RBM28: variants seen among roughly 807,000 people sequenced by gnomAD.
RBM28 encodes the protein RNA-binding protein 28.
RBM28 carries 78 observed loss-of-function variants against 98.3 expected under a neutral mutation model. That is an observed-to-expected ratio of 0.79 (90% CI 0.66 to 0.96). The LOEUF (loss-of-function observed/expected upper bound fraction) is 0.96, where lower values mean the gene tolerates loss of function less well. Among genes scored for constraint, RBM28 ranks in the 40% least tolerant of loss-of-function variants. RBM28 has a pLI of 0.00. For synonymous variants in RBM28, 306 were observed against 330.9 expected (o/e 0.92, Z 0.82); for missense variants, 838 against 913.0 (o/e 0.92, Z 1.06).
intron 1 of RBM28, among the ~76,000 whole-genome samples, chr7:128,343,222 T>C (rs1001459060): frequency 4.6e-5 from 7 of 152,336 alleles, no homozygotes; most frequent in Middle Eastern, 3.4e-3. Context: ...TGTCCAGGTC[T>C]GAGGATCAAA....
At position 128,309,635 on chromosome 7, in the gene RBM28, A is replaced by AT. The variant is rs1795937724; in HGVS notation, c.*1161_*1162insA. 1.3e-5 allele frequency: 2 copies of AT among 151,940 alleles called. No individual in the cohort carries two copies. Among genetic ancestry groups the AT allele is most frequent in the African/African-American group, 4.9e-5 (2 of 41,124 alleles). The allele number at this position is 151,940 out of a possible 1,614,324, so 9.4% of individuals were successfully genotyped here. A position where few individuals can be genotyped will look rare whatever the true frequency, so the allele number is the denominator to read the frequency against. On this transcript the variant is annotated 3_prime_UTR_variant, in exon 19 of 19. Transcript: ENST00000223073. The stretch of plus-strand genomic sequence containing the variant: ...GCGACAGAGTGAGACTCCATCTCAA[A>AT]AAAAAAAAAAAAAGAAGAAGAAACA...
Position 128,300,454 on chromosome 7 carries a change from C to G in RBM28, c.*10343G>C, listed in dbSNP as rs993160974. Reference sequence around the variant, plus strand: ...TGCAGCTCCTGGGGGAACACTGGCACAGACGGGTGCACAGTTAATATTCAG... The same window carrying G: ...TGCAGCTCCTGGGGGAACACTGGCAGAGACGGGTGCACAGTTAATATTCAG... On this transcript the variant is annotated 3_prime_UTR_variant, in exon 19 of 19. Coordinates refer to ENST00000223073, the MANE Select transcript of RBM28 (RefSeq NM_018077.3). 6.6e-6 allele frequency: 1 copy of G among 152,280 alleles called. No individual in the cohort carries two copies. The highest frequency in any genetic ancestry group is 1.5e-5 in the Non-Finnish European group (1 of 68,100). 9.4% of individuals were successfully genotyped at this position (152,280 alleles called of 1,614,324 possible).
At chr7:128,331,256 T>C (rs1197726265) in intron 9 of RBM28, among the ~76,000 whole-genome samples, 1 of 151,438 alleles carries the variant, frequency 6.6e-6, no homozygotes, top group African/African-American at 2.4e-5. Context: ...GGTGGCTACA[T>C]GGATGTATAC....
chr7:128,323,672 C>T, intron 12 of RBM28, 81 bp from the exon 13 acceptor site: 1 of 1,523,488 alleles, frequency 6.6e-7, no homozygotes. Flanking sequence ...TTGAATGATG[C>T]AAACTCTTTG....
At position 128,343,871 on chromosome 7, in the gene RBM28, A is replaced by G. The variant is rs7799251; in HGVS notation, c.-78T>C. ...CGCGAGCCGAAACGCTGGCTTTGGT[A>G]GGACAACCAAGCTCACACGCCGAGA... On this transcript the variant is annotated 5_prime_UTR_variant, in exon 1 of 19. Coordinates refer to ENST00000223073, the MANE Select transcript of RBM28 (RefSeq NM_018077.3). 6,920 of 1,000,378 alleles carry G rather than the reference A, an allele frequency of 6.9e-3. 292 individuals are homozygous for G. The African/African-American group carries it at 0.098, about 14-fold the overall frequency. The allele number at this position is 1,000,378 out of a possible 1,614,324, so 62.0% of individuals were successfully genotyped here. A position where few individuals can be genotyped will look rare whatever the true frequency, so the allele number is the denominator to read the frequency against.
rs549390485 is a variant in RBM28, at chr7:128,342,651, C to T, written c.118+1025G>A. On this transcript the variant is annotated intron_variant, in intron 1 of 18. Transcript: ENST00000223073. ...AGCGGAGATCGTGGCACTGCACTCC[C>T]GCCTGGGCGACAGAGCAAGACGCAG... Among the ~76,000 whole-genome samples the T allele has an allele frequency of 1.5e-4, 23 of 152,040 alleles. No individual in the cohort carries two copies. The South Asian group carries it at 3.8e-3, about 25-fold the overall frequency.
chr7:128,319,212 A>AT, intron 14 of RBM28, among the ~76,000 whole-genome samples: 1 of 152,326 alleles, frequency 6.6e-6, no homozygotes, highest in African/African-American at 2.4e-5. Flanking sequence ...TAGAACTGTC[A>AT]TACACTGTAA....
intron 8 of RBM28, among the ~76,000 whole-genome samples, chr7:128,335,178 T>C (rs1796569834): frequency 6.6e-6 from 1 of 152,238 alleles, no homozygotes; most frequent in African/African-American, 2.4e-5. Flanking sequence ...GTTGAGATGG[T>C]TATATCATCT....
Position 128,305,984 on chromosome 7 carries a change from T to C in RBM28, c.*4813A>G, listed in dbSNP as rs191012981. 1 of 152,362 alleles carries C rather than the reference T, an allele frequency of 6.6e-6. No homozygotes were observed. The highest frequency in any genetic ancestry group is 1.9e-4 in the East Asian group (1 of 5,182). The allele number at this position is 152,362 out of a possible 1,614,324, so 9.4% of individuals were successfully genotyped here. A position where few individuals can be genotyped will look rare whatever the true frequency, so the allele number is the denominator to read the frequency against. ...CATCCTTTACCACCATTATCCTCAA[T>C]CACCAATCACTAAGCATTGCCATGT... On this transcript the variant is annotated 3_prime_UTR_variant, in exon 19 of 19. Transcript: ENST00000223073.
In RBM28 at chr7:128,324,735, C is replaced by T. The variant is rs756885638; in HGVS notation, c.1204-41G>A. 3.1e-6 allele frequency: 5 copies of T among 1,613,236 alleles called. No homozygotes were observed. The South Asian group carries it at 3.3e-5, about 11-fold the overall frequency. ...ACCCTTTCTTAAAACACATAATGGC[C>T]GGGCACAGTGGCTCACACCTGTAAA... On this transcript the variant is annotated intron_variant, in intron 11 of 18. Transcript: ENST00000223073.
chr7:128,321,140 TG>T, intron 14 of RBM28, 125 bp downstream of exon 14: 1 of 1,335,310 alleles, frequency 7.5e-7, no homozygotes, highest in Non-Finnish European at 1.1e-6. Context: ...CACTACAGCC[TG>T]GGCAACAGAG....
rs775866836 is a variant in RBM28, at chr7:128,325,897, C to A, written c.1130-6G>T. On this transcript the variant is annotated splice_polypyrimidine_tract_variant and splice_region_variant and intron_variant, in intron 10 of 18. Coordinates refer to ENST00000223073, the MANE Select transcript of RBM28 (RefSeq NM_018077.3). ...GAACTGGGCAAATGCACAACCTGCACAAGGAGACACAATTCAGTGAGATCC... is the reference window on the plus strand; with the variant it reads ...GAACTGGGCAAATGCACAACCTGCAAAAGGAGACACAATTCAGTGAGATCC... 6.2e-7 allele frequency: 1 copy of A among 1,611,620 alleles called. No individual in the cohort carries two copies. Among genetic ancestry groups the A allele is most frequent in the African/African-American group, 1.3e-5 (1 of 74,856 alleles).
chr7:128,341,023 CTTTGCCCTT>C, intron 1 of RBM28: 1 of 612,400 alleles, frequency 1.6e-6, no homozygotes, highest in African/African-American at 1.9e-5. Context: ...TGTAACCCAC[CTTTGCCCTT>C]TTTGGTTTAA....
intron 14 of RBM28, among the ~76,000 whole-genome samples, chr7:128,319,938 C>G (rs1796186064): frequency 2.6e-5 from 4 of 152,284 alleles, no homozygotes; most frequent in Non-Finnish European, 5.9e-5. Context: ...CAAGCATGGG[C>G]TGGGCGAGGT....
In RBM28 at chr7:128,310,692, T is replaced by G; in HGVS notation, c.*105A>C. The G allele has an allele frequency of 6.8e-7, 1 of 1,476,348 alleles. No homozygotes were observed. The highest frequency in any genetic ancestry group is 9.4e-7 in the Non-Finnish European group (1 of 1,065,282). The allele number at this position is 1,476,348 out of a possible 1,614,324, so 91.5% of individuals were successfully genotyped here. A position where few individuals can be genotyped will look rare whatever the true frequency, so the allele number is the denominator to read the frequency against. On this transcript the variant is annotated 3_prime_UTR_variant, in exon 19 of 19. Transcript: ENST00000223073. ...CCTCCGAGCACAGTGGCAGTGCCCT[T>G]GGGGATTTTCTTTCCCTCAGTGAGA...
At chr7:128,323,718 G>T in intron 12 of RBM28, 127 bp from the exon 13 acceptor site, 1 of 1,037,732 alleles carries the variant, frequency 9.6e-7, no homozygotes, top group Non-Finnish European at 1.4e-6. Flanking sequence ...CCAGGACACG[G>T]TGGCATTTGG....
At position 128,333,040 on chromosome 7, in the gene RBM28, C is replaced by T. The variant is rs142876020; in HGVS notation, c.1019+250G>A. Among the ~76,000 whole-genome samples the T allele has an allele frequency of 6.7e-3, 1,016 of 152,288 alleles. 12 individuals carry two copies. The highest frequency in any genetic ancestry group is 0.023 in the African/African-American group (958 of 41,560). On this transcript the variant is annotated intron_variant, in intron 9 of 18. Transcript: ENST00000223073. ...TTCTAACAGTTGAACTGATTTCTTC[C>T]AAATGATGCCAACCCAATTACAAAG...
chr7:128,319,393 G>T (rs543254746), intron 14 of RBM28, among the ~76,000 whole-genome samples: 42 of 152,132 alleles, frequency 2.8e-4, no homozygotes, highest in Non-Finnish European at 5.4e-4. Context: ...AAATATGTAG[G>T]CACTAAGTAT....
chr7:128,337,011 A>G, intron 6 of RBM28, 120 bp downstream of exon 6: 1 of 1,061,786 alleles, frequency 9.4e-7, no homozygotes, highest in Non-Finnish European at 1.5e-6. Flanking sequence ...CTGGAATTAC[A>G]GGCAAGAGCC....
Sources: gnomAD v4.1 joint callset for allele counts (sites outside exome capture counted in the v4.1 genomes callset) on GRCh38, gnomAD v4.1.1 for gene constraint, MANE v1.5 for transcripts, NCBI Gene and HGNC (gene_info 2026-07-23, HGNC 2026-07-21) for gene names.